The following METTL15 variants were observed in gnomAD, a reference collection of about 807,000 sequenced individuals.
The protein encoded by METTL15 is methyltransferase 15, mitochondrial 12S rRNA N4-cytidine.
METTL15 carries 34 observed loss-of-function variants against 38.3 expected under a neutral mutation model. That is an observed-to-expected ratio of 0.89 (90% CI 0.68 to 1.18). METTL15 has a LOEUF of 1.18. Among genes scored for constraint, METTL15 ranks in the 50% most tolerant of loss-of-function variants. The pLI is 0.00. For synonymous variants in METTL15, 162 were observed against 170.9 expected (o/e 0.95, Z 0.41); for missense variants, 438 against 498.4 (o/e 0.88, Z 1.15).
At chr11:28,521,493 G>T (rs1851764860) in intron 6 of METTL15, among the ~76,000 whole-genome samples, 2 of 152,186 alleles carry the variant, frequency 1.3e-5, no homozygotes, top group Non-Finnish European at 2.9e-5. Flanking sequence ...TTATCTTGAA[G>T]AAATCATATG....
intron 3 of METTL15, among the ~76,000 whole-genome samples, chr11:28,157,230 A>G (rs1850293990): frequency 6.6e-6 from 1 of 152,206 alleles, no homozygotes; most frequent in South Asian, 2.1e-4. Flanking sequence ...TGGAGGCAAC[A>G]CATTCCTCAT....
At chr11:28,440,369 T>G (rs991197095) in intron 6 of METTL15, among the ~76,000 whole-genome samples, 2 of 152,176 alleles carry the variant, frequency 1.3e-5, no homozygotes, top group Non-Finnish European at 2.9e-5. Context: ...TCTATAGCAT[T>G]TAACTTTTTG....
chr11:28,461,082 G>T (rs1394102281), intron 6 of METTL15, among the ~76,000 whole-genome samples: 1 of 151,934 alleles, frequency 6.6e-6, no homozygotes, highest in Non-Finnish European at 1.5e-5. Context: ...TTTTTCCCAA[G>T]AAGGGGGACA....
chr11:28,212,458 A>G (rs1332897898), intron 4 of METTL15, among the ~76,000 whole-genome samples: 1 of 152,122 alleles, frequency 6.6e-6, no homozygotes, highest in Non-Finnish European at 1.5e-5. Context: ...CTTGGTTATG[A>G]TGTGAACATT....
chr11:28,412,653 C>T (rs1850738353), intron 5 of METTL15, among the ~76,000 whole-genome samples: 1 of 151,934 alleles, frequency 6.6e-6, no homozygotes, highest in Non-Finnish European at 1.5e-5. Context: ...AAAACTATTG[C>T]ATGACTTCAC....
intron 3 of METTL15, among the ~76,000 whole-genome samples, chr11:28,196,553 G>A (rs549925889): frequency 3.3e-5 from 5 of 151,930 alleles, no homozygotes; most frequent in East Asian, 1.9e-4. Context: ...ATTTTGTAAC[G>A]TGAGACTTTA....
intron 3 of METTL15, among the ~76,000 whole-genome samples, chr11:28,120,096 C>T (rs1047153205): frequency 3.3e-5 from 5 of 152,060 alleles, no homozygotes; most frequent in Admixed American, 6.6e-5. Flanking sequence ...GAACTACAGG[C>T]GCCTGCCACC....
At chr11:28,342,241 A>G (rs537067641) in intron 3 of METTL15, among the ~76,000 whole-genome samples, 1 of 152,084 alleles carries the variant, frequency 6.6e-6, no homozygotes, top group South Asian at 2.1e-4. Flanking sequence ...CCATTCTTCG[A>G]TTCTATTTTT....
chr11:28,155,363 A>G (rs1850228433), intron 3 of METTL15, among the ~76,000 whole-genome samples: 1 of 152,190 alleles, frequency 6.6e-6, no homozygotes. Context: ...AGAGAACGAG[A>G]TTAAACTAGA....
chr11:28,128,991 A>T (rs1454874159), intron 3 of METTL15, among the ~76,000 whole-genome samples: 1 of 151,934 alleles, frequency 6.6e-6, no homozygotes, highest in Non-Finnish European at 1.5e-5. Context: ...TTTATTTTTT[A>T]TTTTTTTAAT....
chr11:28,389,917 T>C (rs1324059874), intron 5 of METTL15, among the ~76,000 whole-genome samples: 409 of 151,856 alleles, frequency 2.7e-3, no homozygotes, highest in African/African-American at 8.3e-3. Flanking sequence ...TTTTAATGAT[T>C]GCCATTCTAA....
At chr11:28,430,363 GGGA>G (rs1743620156) in intron 6 of METTL15, among the ~76,000 whole-genome samples, 1 of 1,492 alleles carries the variant, frequency 6.7e-4, no homozygotes, top group South Asian at 0.026. Flanking sequence ...CGTGCCATCC[GGGA>G]GGAGGTGGGG....
intron 5 of METTL15, among the ~76,000 whole-genome samples, chr11:28,378,356 G>A (rs1478669288): frequency 1.3e-5 from 2 of 152,152 alleles, no homozygotes; most frequent in Non-Finnish European, 2.9e-5. Context: ...ATAATCTCGT[G>A]GTGCATCGCT....
At chr11:28,210,890 A>G (rs537546167) in intron 3 of METTL15, among the ~76,000 whole-genome samples, 172 bp from the exon 4 acceptor site, 1 of 152,130 alleles carries the variant, frequency 6.6e-6, no homozygotes, top group South Asian at 2.1e-4. Flanking sequence ...ATCACTCATA[A>G]TTGAGCCAGA....
intron 6 of METTL15, among the ~76,000 whole-genome samples, chr11:28,306,943 G>A (rs1414638868): frequency 6.6e-6 from 1 of 151,866 alleles, no homozygotes; most frequent in African/African-American, 2.4e-5. Flanking sequence ...TCTAGGAAAT[G>A]TGTTTGTTAG....
intron 6 of METTL15, among the ~76,000 whole-genome samples, chr11:28,316,518 C>T (rs1013381426): frequency 6.6e-6 from 1 of 152,138 alleles, no homozygotes; most frequent in Non-Finnish European, 1.5e-5. Context: ...GGACTGCAGA[C>T]TTTTGAGTTA....
intron 6 of METTL15, among the ~76,000 whole-genome samples, chr11:28,321,997 GA>G (rs1056267191): frequency 2.6e-5 from 4 of 151,120 alleles, no homozygotes; most frequent in Non-Finnish European, 5.9e-5. Context: ...ATGTCATTTT[GA>G]AAAAAAATTA....
intron 3 of METTL15, among the ~76,000 whole-genome samples, chr11:28,162,217 T>G (rs1850491337): frequency 1.3e-5 from 2 of 152,102 alleles, no homozygotes; most frequent in Non-Finnish European, 2.9e-5. Context: ...AGAGCCTTCT[T>G]CCAAAGGAAG....
intron 6 of METTL15, among the ~76,000 whole-genome samples, chr11:28,439,730 A>C (rs932859703): frequency 2.6e-5 from 4 of 152,094 alleles, no homozygotes; most frequent in Non-Finnish European, 5.9e-5. Flanking sequence ...TACTGCAATT[A>C]TCTGTTGGAA....
Sources: allele counts gnomAD v4.1 joint callset (sites outside exome capture counted in the v4.1 genomes callset), GRCh38; gene constraint gnomAD v4.1.1; transcripts MANE v1.5; gene names NCBI Gene and HGNC (gene_info 2026-07-23, HGNC 2026-07-21).